SPINK5: variants seen among roughly 807,000 people sequenced by gnomAD.
The protein encoded by SPINK5 is serine protease inhibitor Kazal-type 5.
SPINK5 carries 125 observed loss-of-function variants against 151.8 expected under a neutral mutation model. The ratio of observed to expected loss-of-function variants is 0.82; its 90% CI spans 0.71 to 0.96. The LOEUF is 0.96. Among genes scored for constraint, SPINK5 ranks in the 40% least tolerant of loss-of-function variants. SPINK5 has a pLI of 0.00. For synonymous variants in SPINK5, 374 were observed against 395.3 expected (o/e 0.95, Z 0.64); for missense variants, 1,194 against 1,291.9 (o/e 0.92, Z 1.16).
chr5:148,129,320 G>C (rs1231719860), intron 30 of SPINK5, among the ~76,000 whole-genome samples: 1 of 152,150 alleles, frequency 6.6e-6, no homozygotes, highest in South Asian at 2.1e-4. Context: ...AACTTTGCCT[G>C]ATACCTATTG....
chr5:148,071,431 G>T (rs1752734837), intron 3 of SPINK5, among the ~76,000 whole-genome samples: 1 of 152,040 alleles, frequency 6.6e-6, no homozygotes, highest in African/African-American at 2.4e-5. Flanking sequence ...CCTAGGGCAG[G>T]TTGAATAATT....
At chr5:148,089,116 A>G (rs932978646) in intron 6 of SPINK5, 1 of 463,776 alleles carries the variant, frequency 2.2e-6, no homozygotes, top group Non-Finnish European at 4.3e-6. Flanking sequence ...CCTAATTTTC[A>G]AGGTCTGATG....
Position 148,131,483 on chromosome 5 carries a change from G to T in SPINK5, c.3095+94G>T, listed in dbSNP as rs974768594. 36 of 1,539,552 alleles carry T rather than the reference G, an allele frequency of 2.3e-5. No homozygotes were observed. In the African/African-American group the frequency reaches 4.9e-4, roughly 21 times the overall value. ...TAATGCACTGATATAAATTCGAAAT[G>T]TGTTGCAAGTAATTTATTCATCATA... On this transcript the variant is annotated intron_variant, in intron 31 of 32. Transcript: ENST00000256084.
chr5:148,129,166 C>T (rs1207600484), intron 30 of SPINK5, among the ~76,000 whole-genome samples: 1 of 152,088 alleles, frequency 6.6e-6, no homozygotes, highest in African/African-American at 2.4e-5. Flanking sequence ...AATAGAGCTA[C>T]CTCAGCTGTA....
chr5:148,120,697 C>A (rs1754233877), intron 26 of SPINK5, among the ~76,000 whole-genome samples: 4 of 152,122 alleles, frequency 2.6e-5, no homozygotes, highest in Admixed American at 2.6e-4. Context: ...GTCTCGAACT[C>A]CTGAGCTCAA....
chr5:148,088,620 C>T lies in SPINK5; in HGVS notation c.474+15C>T, dbSNP rs771881177. The T allele has an allele frequency of 6.2e-7, 1 of 1,610,582 alleles. No homozygotes were observed. Among genetic ancestry groups the T allele is most frequent in the South Asian group, 1.1e-5 (1 of 90,908 alleles). On this transcript the variant is annotated intron_variant, in intron 6 of 32. Transcript: ENST00000256084. ...ATCCAGAGCAGGTGAGGTCAATTGT[C>T]AGCCTGATGGGAAATACTGGGAGGC...
intron 14 of SPINK5, 59 bp downstream of exon 14, chr5:148,101,495 G>A: frequency 3.7e-6 from 5 of 1,345,854 alleles, no homozygotes; most frequent in Non-Finnish European, 5.3e-6. Context: ...CACAGATCAT[G>A]TTCAGGGAAC....
chr5:148,101,792 T>C lies in SPINK5; in HGVS notation c.1314T>C (p.Ser438=). Residue 438 remains serine (S), a synonymous_variant, in exon 15 of 33, where the codon AGT becomes AGC. Coordinates refer to ENST00000256084, the MANE Select transcript of SPINK5 (RefSeq NM_006846.4). Reference sequence around the variant, plus strand: ...CCTCAATTTCACAGGAGTTGTGTAGTGAATACCGCAAATCCAGGAAAAACG... The same window carrying C: ...CCTCAATTTCACAGGAGTTGTGTAGCGAATACCGCAAATCCAGGAAAAACG... ...KSTASFEELC[S]EYRKSRKNGR... 1 of 1,613,738 alleles carries C rather than the reference T, an allele frequency of 6.2e-7. No homozygotes were observed. Among genetic ancestry groups the C allele is most frequent in the Non-Finnish European group, 8.5e-7 (1 of 1,179,738 alleles).
intron 2 of SPINK5, among the ~76,000 whole-genome samples, chr5:148,068,575 AAAAAAAGAAAG>A (rs1752649308): frequency 7.7e-6 from 1 of 129,742 alleles, no homozygotes; most frequent in South Asian, 2.7e-4. Context: ...AAAAAAAAAA[AAAAAAAGAAAG>A]AAAGAAAGAA....
chr5:148,115,747 A>G (rs1328807304), intron 21 of SPINK5, among the ~76,000 whole-genome samples: 1 of 152,098 alleles, frequency 6.6e-6, no homozygotes, highest in Non-Finnish European at 1.5e-5. Context: ...CCTCTTGAAC[A>G]TTAGGTATTG....
At chr5:148,085,659 T>C (rs189323571) in intron 4 of SPINK5, among the ~76,000 whole-genome samples, 20 of 152,012 alleles carry the variant, frequency 1.3e-4, no homozygotes, top group Admixed American at 4.6e-4. Context: ...TTGTTTTTCT[T>C]TACCATCAGG....
chr5:148,133,865 C>G lies in SPINK5; in HGVS notation c.3164C>G (p.Thr1055Ser). 2 of 1,614,040 alleles carry G rather than the reference C, an allele frequency of 1.2e-6. No individual in the cohort carries two copies. Among genetic ancestry groups the G allele is most frequent in the Non-Finnish European group, 1.7e-6 (2 of 1,179,956 alleles). Residue 1055 changes from threonine (T) to serine (S), a missense_variant, in exon 32 of 33, where the codon ACC becomes AGC. Physicochemically the swap from Thr to Ser is moderately conservative, Grantham distance 58 (BLOSUM62 1). Transcript: ENST00000256084. ...KCEESSTPGT[T>S]AASMPPSDE is the part of the protein sequence containing the mutation. ...GAGGAGAGCAGCACCCCAGGAACCACCGCAGCCAGCATGCCCCCGTCTGTA... is the reference window on the plus strand; with the variant it reads ...GAGGAGAGCAGCACCCCAGGAACCAGCGCAGCCAGCATGCCCCCGTCTGTA...
At chr5:148,088,659 T>A in intron 6 of SPINK5, 54 bp downstream of exon 6, 1 of 1,556,274 alleles carries the variant, frequency 6.4e-7, no homozygotes, top group Admixed American at 1.7e-5. Context: ...CTTCAAATAG[T>A]AAGTAGGTGC....
At position 148,107,752 on chromosome 5, in the gene SPINK5, A is replaced by G. The variant is rs967156852; in HGVS notation, c.1607+588A>G. The stretch of plus-strand genomic sequence containing the variant: ...AATGTCTCCTTGTTAAGCCAGGTTC[A>G]TGGCCTTCTAAGGTCTTTGTTTTGC... On this transcript the variant is annotated intron_variant, in intron 17 of 32. Coordinates refer to ENST00000256084, the MANE Select transcript of SPINK5 (RefSeq NM_006846.4). Among the ~76,000 whole-genome samples the G allele has an allele frequency of 7.4e-4, 113 of 152,286 alleles. 1 individual carries two copies. The highest frequency in any genetic ancestry group is 2.6e-4 in the Non-Finnish European group (18 of 68,014).
At position 148,127,148 on chromosome 5, in the gene SPINK5, A is replaced by G. The variant is rs368164891; in HGVS notation, c.2964+69A>G. ...TCTTGATTTTTTTTGACCTGTTGCT[A>G]TTTGCTATTTTCATAGAAGGGTCTG... is the stretch of plus-strand genomic sequence containing the variant. On this transcript the variant is annotated intron_variant, in intron 30 of 32. Transcript: ENST00000256084. 1.2e-5 allele frequency: 17 copies of G among 1,379,650 alleles called. No individual in the cohort carries two copies. In the Admixed American group the frequency reaches 2.7e-4, roughly 22 times the overall value. The allele number at this position is 1,379,650 out of a possible 1,614,324, so 85.5% of individuals were successfully genotyped here. A position where few individuals can be genotyped will look rare whatever the true frequency, so the allele number is the denominator to read the frequency against.
intron 21 of SPINK5, among the ~76,000 whole-genome samples, chr5:148,116,061 T>G (rs760452792): frequency 1.3e-5 from 2 of 152,096 alleles, no homozygotes; most frequent in Non-Finnish European, 2.9e-5. Flanking sequence ...ACCTCAGGGA[T>G]CCACTCACCT....
intron 27 of SPINK5, 78 bp from the exon 28 acceptor site, chr5:148,124,687 G>A (rs912769328): frequency 2.9e-5 from 33 of 1,126,596 alleles, no homozygotes; most frequent in Admixed American, 1.5e-4. Flanking sequence ...GTTTAGAATC[G>A]CAGAAATACT....
rs770410398 is a variant in SPINK5 at position 148,123,819 on chromosome 5, G to A, written c.2539-14G>A. ...TACCATGACAGTAACAACTTTTTCT[G>A]CTACTGTTGGTAGGATCTGTGTCGT... On this transcript the variant is annotated splice_polypyrimidine_tract_variant and intron_variant, in intron 26 of 32. Transcript: ENST00000256084. 1.9e-6 allele frequency: 3 copies of A among 1,613,556 alleles called. No individual in the cohort carries two copies. The highest frequency in any genetic ancestry group is 1.7e-5 in the Admixed American group (1 of 59,968).
chr5:148,068,873 G>T (rs551274938), intron 2 of SPINK5, among the ~76,000 whole-genome samples: 1 of 152,190 alleles, frequency 6.6e-6, no homozygotes, highest in East Asian at 1.9e-4. Flanking sequence ...GGCTGAGGCA[G>T]GTGTATCATT....
Sources: allele counts gnomAD v4.1 joint callset (sites outside exome capture counted in the v4.1 genomes callset), GRCh38; gene constraint gnomAD v4.1.1; transcripts MANE v1.5; gene names NCBI Gene and HGNC (gene_info 2026-07-23, HGNC 2026-07-21).